PRKN: variants seen among roughly 807,000 people sequenced by gnomAD.
PRKN encodes parkin RBR E3 ubiquitin protein ligase.
In PRKN, 56 loss-of-function variants were observed where a neutral mutation model predicts 59.5. The observed-to-expected ratio is 0.94, with a 90% CI of 0.76 to 1.18. PRKN has a LOEUF of 1.18. PRKN is among the 50% of genes most tolerant of loss of function. PRKN has a pLI of 0.00. For missense variants in PRKN, 657 were observed against 596.4 expected (o/e 1.10, Z -1.06); for synonymous variants, 250 against 222.1 (o/e 1.13, Z -1.12).
Position 161,499,132 on chromosome 6 carries a change from A to ACACT in PRKN, c.1083+49721_1083+49722insAGTG, listed in dbSNP as rs1554267941. Among the ~76,000 whole-genome samples the ACACT allele has an allele frequency of 7.3e-6, 1 of 136,564 alleles. No homozygotes were observed. Among genetic ancestry groups the ACACT allele is most frequent in the East Asian group, 2.2e-4 (1 of 4,572 alleles). The allele number at this position is 136,564 out of a possible 152,430, so 89.6% of individuals were successfully genotyped here. On this transcript the variant is annotated intron_variant, in intron 9 of 11. Transcript: ENST00000366898. This position sits in a 1 kb window ranked among gnomAD's most constrained non-coding sequence, Gnocchi z 4.2. Reference sequence around the variant, plus strand: ...AGGGTCTGGACACACACACACACACATTTTTTTTTTTTTTTTGGCTCACAG... The same window carrying ACACT: ...AGGGTCTGGACACACACACACACACACACTTTTTTTTTTTTTTTTTGGCTCACAG...
At chr6:162,479,989 CGGGA>C (rs1792218768) in intron 1 of PRKN, among the ~76,000 whole-genome samples, 1 of 151,456 alleles carries the variant, frequency 6.6e-6, no homozygotes, top group African/African-American at 2.4e-5. Context: ...CGCTTAAACC[CGGGA>C]GGTGGAGGTT....
intron 5 of PRKN, among the ~76,000 whole-genome samples, chr6:162,024,979 T>C (rs1216838178): frequency 6.6e-6 from 1 of 152,002 alleles, no homozygotes; most frequent in Non-Finnish European, 1.5e-5. Context: ...ATATAACTTC[T>C]ATACGTTTCT....
intron 7 of PRKN, among the ~76,000 whole-genome samples, chr6:161,634,311 A>C (rs974125292): frequency 1.2e-4 from 19 of 152,214 alleles, no homozygotes; most frequent in Non-Finnish European, 1.5e-4. Context: ...GTAGCAGGGC[A>C]GCGGGAGGGC....
chr6:161,768,677 C>T (rs985156754), intron 7 of PRKN, among the ~76,000 whole-genome samples: 3 of 152,130 alleles, frequency 2.0e-5, no homozygotes, highest in Non-Finnish European at 4.4e-5. Flanking sequence ...GTGTAGCTCC[C>T]AATTCCATTA....
chr6:161,883,698 A>G (rs1795028742), intron 6 of PRKN, among the ~76,000 whole-genome samples: 1 of 151,992 alleles, frequency 6.6e-6, no homozygotes, highest in Admixed American at 6.6e-5. Context: ...CGCCCAGGCC[A>G]GAGCGCAGTG....
intron 9 of PRKN, among the ~76,000 whole-genome samples, chr6:161,411,733 T>C (rs1425672809): frequency 6.6e-6 from 1 of 151,714 alleles, no homozygotes; most frequent in Non-Finnish European, 1.5e-5. Context: ...CACTCATTCC[T>C]CCACTCAGTC....
At position 162,028,212 on chromosome 6, in the gene PRKN, T is replaced by C. The variant is rs568408938; in HGVS notation, c.618+25879A>G. ...AACATGGTTTTAAAGTGTGTGCGTG[T>C]TTTTAACCTGATAGGTAGAAGCTAG... On this transcript the variant is annotated intron_variant, in intron 5 of 11. Coordinates refer to ENST00000366898, the MANE Select transcript of PRKN (RefSeq NM_004562.3). Among the ~76,000 whole-genome samples, 4 of 152,310 alleles carry C rather than the reference T, an allele frequency of 2.6e-5. 1 individual carries two copies. In the South Asian group the frequency reaches 8.3e-4, roughly 32 times the overall value.
chr6:162,082,317 C>T (rs899072471), intron 4 of PRKN, among the ~76,000 whole-genome samples: 2 of 152,008 alleles, frequency 1.3e-5, no homozygotes, highest in African/African-American at 4.8e-5. Flanking sequence ...TCCCCAGCCA[C>T]GTGGAACTGT....
rs1047447580 is a variant in PRKN at position 161,361,943 on chromosome 6, G to A, written c.1168-1738C>T. Among the ~76,000 whole-genome samples the A allele has an allele frequency of 2.6e-5, 4 of 152,016 alleles. No individual in the cohort carries two copies. The highest frequency in any genetic ancestry group is 2.1e-4 in the South Asian group (1 of 4,818). On this transcript the variant is annotated intron_variant, in intron 10 of 11. Transcript: ENST00000366898. This position sits in a 1 kb window ranked among gnomAD's most constrained non-coding sequence, Gnocchi z 5.2. ...CACAGAGTCTTGGGTGGTCCTAACC[G>A]TCAGTGACACGTGGCAAACACCCAT...
At chr6:161,794,986 G>T (rs1401267478) in intron 6 of PRKN, among the ~76,000 whole-genome samples, 3 of 149,828 alleles carry the variant, frequency 2.0e-5, no homozygotes, top group Non-Finnish European at 4.4e-5. Flanking sequence ...CCGGGTTCAC[G>T]CCATTCTCTT....
rs1435407746 is a variant in PRKN at position 161,530,207 on chromosome 6, T to C, written c.1083+18647A>G. Among the ~76,000 whole-genome samples, 1 of 152,190 alleles carries C rather than the reference T, an allele frequency of 6.6e-6. No homozygotes were observed. Among genetic ancestry groups the C allele is most frequent in the Non-Finnish European group, 1.5e-5 (1 of 68,040 alleles). On this transcript the variant is annotated intron_variant, in intron 9 of 11. Coordinates refer to ENST00000366898, the MANE Select transcript of PRKN (RefSeq NM_004562.3). This position sits in a 1 kb window ranked among gnomAD's most constrained non-coding sequence, Gnocchi z 5.0. ...GAAAGAGAACAAAGAGAACAAAAAC[T>C]ACTTGGATTGTCTGGAGGTCATAGT...
chr6:161,486,911 C>T (rs760904802), intron 9 of PRKN, among the ~76,000 whole-genome samples: 1 of 152,130 alleles, frequency 6.6e-6, no homozygotes, highest in Non-Finnish European at 1.5e-5. Context: ...CTAGCAGGAC[C>T]TGATTTTTCC....
At chr6:162,282,961 C>A (rs1183219111) in intron 2 of PRKN, among the ~76,000 whole-genome samples, 1 of 151,528 alleles carries the variant, frequency 6.6e-6, no homozygotes, top group East Asian at 1.9e-4. Context: ...CATTTAATTC[C>A]TGATAAGCTT....
chr6:162,499,102 G>A (rs1003348661), intron 1 of PRKN, among the ~76,000 whole-genome samples: 1 of 152,128 alleles, frequency 6.6e-6, no homozygotes, highest in Non-Finnish European at 1.5e-5. Flanking sequence ...TGCGGGATAC[G>A]TAAGTTCTTT....
chr6:162,214,131 G>A (rs1269208754), intron 3 of PRKN, among the ~76,000 whole-genome samples: 4 of 152,078 alleles, frequency 2.6e-5, no homozygotes, highest in Admixed American at 1.3e-4. Flanking sequence ...AAGGTGCCAG[G>A]AGACACTGCA....
At chr6:161,717,202 G>A (rs1692923763) in intron 7 of PRKN, among the ~76,000 whole-genome samples, 2 of 152,180 alleles carry the variant, frequency 1.3e-5, no homozygotes, top group Non-Finnish European at 2.9e-5. Flanking sequence ...TCTAGACTGG[G>A]AAGTCCAACA....
At chr6:162,240,566 T>C (rs929824136) in intron 3 of PRKN, among the ~76,000 whole-genome samples, 5 of 152,096 alleles carry the variant, frequency 3.3e-5, no homozygotes, top group African/African-American at 9.7e-5. Flanking sequence ...ATTTAATAAA[T>C]ATAGAAATAT....
At chr6:162,086,391 C>T (rs2128294861) in intron 4 of PRKN, among the ~76,000 whole-genome samples, 1 of 152,212 alleles carries the variant, frequency 6.6e-6, no homozygotes, top group South Asian at 2.1e-4. Context: ...GTGTAGAAAA[C>T]TCCATGGCAC....
chr6:161,601,073 A>C (rs1338841830), intron 7 of PRKN, among the ~76,000 whole-genome samples: 1 of 152,246 alleles, frequency 6.6e-6, no homozygotes, highest in Non-Finnish European at 1.5e-5. Context: ...ATCTTTTCTA[A>C]ATAATCAAGA....
Sources: allele counts gnomAD v4.1 joint callset (sites outside exome capture counted in the v4.1 genomes callset), GRCh38; gene constraint gnomAD v4.1.1; non-coding constraint Gnocchi (gnomAD v3.1); transcripts MANE v1.5; gene names NCBI Gene and HGNC (gene_info 2026-07-23, HGNC 2026-07-21).